The following UBAP1 variants were observed in gnomAD, a reference collection of about 807,000 sequenced individuals.
UBAP1 encodes ubiquitin associated protein 1, also known as ubiquitin-associated protein 1.
UBAP1 carries 5 observed loss-of-function variants against 39.0 expected under a neutral mutation model. That is an observed-to-expected ratio of 0.13 (90% confidence interval 0.07 to 0.27). The LOEUF is 0.27. Ranked by LOEUF, UBAP1 falls within the 10% of genes least tolerant of loss-of-function variation. UBAP1 has a pLI of 1.00. For missense variants in UBAP1, 490 were observed against 608.1 expected (o/e 0.81, Z 2.04); for synonymous variants, 211 against 225.1 (o/e 0.94, Z 0.56).
chr9:34,190,753 C>T (rs1428895197), intron 1 of UBAP1, among the ~76,000 whole-genome samples: 1 of 150,264 alleles, frequency 6.7e-6, no homozygotes, highest in African/African-American at 2.4e-5. Flanking sequence ...TCTCCTACCT[C>T]AGCCTCCCGA....
chr9:34,252,512 A>G lies in UBAP1; in HGVS notation c.*980A>G, dbSNP rs1170681975. The G allele has an allele frequency of 6.6e-6, 1 of 152,654 alleles. No homozygotes were observed. The highest frequency in any genetic ancestry group is 2.4e-5 in the African/African-American group (1 of 41,460). 9.5% of individuals were successfully genotyped at this position (152,654 alleles called of 1,614,324 possible). ...TCTTCAGAGAGAACTACTAATAAAAATCTAAAAGGTATGTCTTGGTGTGAT... is the reference window on the plus strand; with the variant it reads ...TCTTCAGAGAGAACTACTAATAAAAGTCTAAAAGGTATGTCTTGGTGTGAT... On this transcript the variant is annotated 3_prime_UTR_variant, in exon 7 of 7. Coordinates refer to ENST00000297661, the MANE Select transcript of UBAP1 (RefSeq NM_016525.5).
In UBAP1 at chr9:34,241,628, C is replaced by G; in HGVS notation, c.603C>G (p.Pro201=). The change falls in exon 4 of 7, where the codon CCC becomes CCG. Residue 201 remains proline, a synonymous_variant. Coordinates refer to ENST00000297661, the MANE Select transcript of UBAP1 (RefSeq NM_016525.5). ...IMAQLLDNNL[P]RGGSGSVLQD... is the part of the protein sequence containing the mutation. ...CTCAGTTATTGGACAATAACTTGCC[C>G]AGGGGAGGCTCTGGGTCTGTGTTAC... The G allele has an allele frequency of 6.2e-7, 1 of 1,614,064 alleles. No homozygotes were observed. The highest frequency in any genetic ancestry group is 8.5e-7 in the Non-Finnish European group (1 of 1,180,004).
chr9:34,185,403 G>T (rs993467504), intron 1 of UBAP1, among the ~76,000 whole-genome samples: 3 of 152,172 alleles, frequency 2.0e-5, no homozygotes, highest in Non-Finnish European at 4.4e-5. Flanking sequence ...AGAAAAATTA[G>T]CTGGGATTGG....
chr9:34,217,388 C>T (rs1832383886), intron 1 of UBAP1, among the ~76,000 whole-genome samples: 1 of 152,036 alleles, frequency 6.6e-6, no homozygotes, highest in South Asian at 2.1e-4. Flanking sequence ...AGGCATGTGC[C>T]ACCATGCCCG....
intron 2 of UBAP1, among the ~76,000 whole-genome samples, chr9:34,221,242 G>GT (rs1832738002): frequency 6.6e-6 from 1 of 152,108 alleles, no homozygotes; most frequent in South Asian, 2.1e-4. Context: ...TGAAGGTATA[G>GT]TTACTGGCTG....
intron 1 of UBAP1, among the ~76,000 whole-genome samples, chr9:34,204,776 T>G (rs777661917): frequency 6.6e-6 from 1 of 152,136 alleles, no homozygotes; most frequent in Non-Finnish European, 1.5e-5. Context: ...GTATGAATTG[T>G]GATATGATTT....
chr9:34,247,613 G>A (rs868784535), intron 4 of UBAP1, among the ~76,000 whole-genome samples: 1 of 151,874 alleles, frequency 6.6e-6, no homozygotes, highest in South Asian at 2.1e-4. Context: ...TAGTAGAGAT[G>A]GGGTTTCTCC....
intron 1 of UBAP1, among the ~76,000 whole-genome samples, chr9:34,209,708 TTTTTTG>T (rs1196237761): frequency 2.0e-5 from 3 of 152,202 alleles, no homozygotes; most frequent in Non-Finnish European, 4.4e-5. Flanking sequence ...ACCTATTTTT[TTTTTTG>T]TTTGTGTTTT....
At chr9:34,198,993 T>C (rs1321608764) in intron 1 of UBAP1, among the ~76,000 whole-genome samples, 1 of 152,244 alleles carries the variant, frequency 6.6e-6, no homozygotes, top group African/African-American at 2.4e-5. Context: ...TGTCTGTGGA[T>C]AATTACTAAT....
intron 1 of UBAP1, among the ~76,000 whole-genome samples, chr9:34,207,681 T>C (rs2131548813): frequency 6.6e-6 from 1 of 151,112 alleles, no homozygotes; most frequent in East Asian, 1.9e-4. Context: ...TTTAAAGAGA[T>C]GGGATCTTGC....
rs542196296 is a variant in UBAP1, at chr9:34,251,756, G to T, written c.*224G>T. ...CCCCAGAACTGTCCTGGCTCCTTCCGTATTAAACGCATTTGCATTTTGAGA... is the reference window on the plus strand; with the variant it reads ...CCCCAGAACTGTCCTGGCTCCTTCCTTATTAAACGCATTTGCATTTTGAGA... On this transcript the variant is annotated 3_prime_UTR_variant, in exon 7 of 7. Transcript: ENST00000297661. 7.9e-6 allele frequency: 4 copies of T among 509,368 alleles called. No homozygotes were observed. The highest frequency in any genetic ancestry group is 3.3e-5 in the South Asian group (1 of 29,858). The allele number at this position is 509,368 out of a possible 1,614,324, so 31.6% of individuals were successfully genotyped here. A position where few individuals can be genotyped will look rare whatever the true frequency, so the allele number is the denominator to read the frequency against.
intron 1 of UBAP1, among the ~76,000 whole-genome samples, chr9:34,192,036 G>A (rs1396688480): frequency 6.7e-6 from 1 of 150,242 alleles, no homozygotes; most frequent in Admixed American, 6.6e-5. Context: ...TAGTGATGGG[G>A]TTTTGCTGTG....
At position 34,241,732 on chromosome 9, in the gene UBAP1, C is replaced by A. The variant is rs201070690; in HGVS notation, c.707C>A (p.Thr236Asn). Residue 236 changes from threonine (T) to asparagine (N), a missense_variant, in exon 4 of 7, where the codon ACC (threonine) becomes AAC (asparagine). This residue lies in a region of UBAP1 where 339 missense variants were observed against 390.0 expected (regional missense o/e 0.87). Coordinates refer to ENST00000297661, the MANE Select transcript of UBAP1 (RefSeq NM_016525.5). ...CTTCATAAACCCAATGGCTTTATAA[C>A]CTTACCACAGTTGGGCAACTGTGAA... ...KPLHKPNGFI[T>N]LPQLGNCEKM... 12 of 1,614,012 alleles carry A rather than the reference C, an allele frequency of 7.4e-6. No homozygotes were observed. In the East Asian group the frequency reaches 2.2e-4, roughly 30 times the overall value.
chr9:34,187,135 T>TG (rs1190870347), intron 1 of UBAP1, among the ~76,000 whole-genome samples: 1 of 152,204 alleles, frequency 6.6e-6, no homozygotes, highest in Non-Finnish European at 1.5e-5. Context: ...CTTGAACTCC[T>TG]GACCTCAGGT....
At chr9:34,237,296 T>C (rs1833752047) in intron 3 of UBAP1, among the ~76,000 whole-genome samples, 3 of 152,194 alleles carry the variant, frequency 2.0e-5, no homozygotes, top group South Asian at 2.1e-4. Context: ...AGAAGTTACC[T>C]AGAGCAACAG....
intron 4 of UBAP1, among the ~76,000 whole-genome samples, chr9:34,249,495 T>C (rs544808687): frequency 8.8e-4 from 134 of 152,266 alleles, no homozygotes; most frequent in African/African-American, 3.0e-3. Context: ...CAAGGGCCTG[T>C]CGTGTTGTGG....
intron 3 of UBAP1, among the ~76,000 whole-genome samples, chr9:34,239,282 T>C (rs1833847121): frequency 6.6e-6 from 1 of 152,178 alleles, no homozygotes; most frequent in African/African-American, 2.4e-5. Context: ...TGACCTCAAG[T>C]GATCCGCCCA....
chr9:34,180,878 T>C (rs1184941723), intron 1 of UBAP1, among the ~76,000 whole-genome samples: 1 of 151,600 alleles, frequency 6.6e-6, no homozygotes, highest in Non-Finnish European at 1.5e-5. Context: ...TGGCGCGATC[T>C]TGGCTTGCTG....
At chr9:34,223,555 C>T (rs4553000) in intron 2 of UBAP1, among the ~76,000 whole-genome samples, 70,756 of 152,054 alleles carry the variant, frequency 0.47, 17,665 homozygotes, top group East Asian at 0.74. Context: ...CCTGGGCTCA[C>T]GCCATTCTCT....
Sources: allele counts gnomAD v4.1 joint callset (sites outside exome capture counted in the v4.1 genomes callset), GRCh38; gene constraint gnomAD v4.1.1; regional missense constraint gnomAD v4.1.1; transcripts MANE v1.5; gene names NCBI Gene and HGNC (gene_info 2026-07-23, HGNC 2026-07-21).